Variants in SEC63 observed in about 807,000 individuals in gnomAD.
The protein encoded by SEC63 is SEC63 protein translocation regulator, also known as translocation protein SEC63 homolog.
Under a neutral mutation model 116.2 loss-of-function variants are expected in SEC63, and 56 were observed. That is an observed-to-expected ratio of 0.48 (90% confidence interval 0.39 to 0.60). The LOEUF is 0.60. Ranked by LOEUF, SEC63 falls within the 20% of genes least tolerant of loss-of-function variation. The probability of loss-of-function intolerance (pLI) is 0.00; values close to 1 mark genes in which losing one functional copy is unlikely to be tolerated. For synonymous variants in SEC63, 273 were observed against 294.6 expected (o/e 0.93, Z 0.75); for missense variants, 668 against 900.0 (o/e 0.74, Z 3.30).
intron 16 of SEC63, among the ~76,000 whole-genome samples, chr6:107,887,968 G>A (rs983748116): frequency 3.3e-5 from 5 of 152,044 alleles, no homozygotes; most frequent in South Asian, 4.1e-4. Context: ...GTTTTGGTAC[G>A]AGTACCATGC....
At chr6:107,930,144 A>C (rs1325971045) in intron 1 of SEC63, 6 of 151,692 alleles carry the variant, frequency 4.0e-5, no homozygotes, top group African/African-American at 1.2e-4. Context: ...GCCCTCACCC[A>C]AAGATGACAC....
At chr6:107,938,028 G>A (rs913193667) in intron 1 of SEC63, among the ~76,000 whole-genome samples, 2 of 142,220 alleles carry the variant, frequency 1.4e-5, no homozygotes, top group Admixed American at 6.9e-5. Flanking sequence ...GAATCTTTTA[G>A]TTTAATTAGA....
At chr6:107,905,072 T>C (rs950568669) in intron 10 of SEC63, among the ~76,000 whole-genome samples, 3 of 152,070 alleles carry the variant, frequency 2.0e-5, no homozygotes, top group Non-Finnish European at 2.9e-5. Flanking sequence ...GTCAGCTAAA[T>C]ACAGGGGGAG....
At chr6:107,904,218 T>C (rs1217680996) in intron 11 of SEC63, among the ~76,000 whole-genome samples, 1 of 151,302 alleles carries the variant, frequency 6.6e-6, no homozygotes, top group East Asian at 1.9e-4. Flanking sequence ...GAGACCATCC[T>C]GGCCAACATG....
Position 107,953,586 on chromosome 6 carries a change from C to T in SEC63, c.124+4300G>A, listed in dbSNP as rs1296631214. Among the ~76,000 whole-genome samples the T allele has an allele frequency of 2.0e-4, 30 of 147,374 alleles. No homozygotes were observed. In the East Asian group the frequency reaches 5.0e-3, roughly 24 times the overall value. On this transcript the variant is annotated intron_variant, in intron 1 of 20. Coordinates refer to ENST00000369002, the MANE Select transcript of SEC63 (RefSeq NM_007214.5). ...GAGGGAGGTGGGGGGGTCAGCCCCC[C>T]GCCCGGCCAGCCGCCCCGTCCGGGA...
At chr6:107,932,732 C>T (rs1194311274) in intron 1 of SEC63, among the ~76,000 whole-genome samples, 1 of 152,012 alleles carries the variant, frequency 6.6e-6, no homozygotes, top group Non-Finnish European at 1.5e-5. Context: ...TATACATACT[C>T]CCTAGCTCTA....
chr6:107,921,911 T>TGGG lies in SEC63; in HGVS notation c.340-5_340-3dup, dbSNP rs142388422. ...TTTAATTTCTGCTACTGTGGCTCCC[T>TGGG]GGGGAAAAACAAAAAAAAAAAACAA... On this transcript the variant is annotated splice_region_variant and splice_polypyrimidine_tract_variant and intron_variant, in intron 3 of 20. Transcript: ENST00000369002. The TGGG allele has an allele frequency of 0.62, 778,870 of 1,249,406 alleles. 210,917 individuals carry two copies. Among genetic ancestry groups the TGGG allele is most frequent in the Admixed American group, 0.67 (32,827 of 49,158 alleles). The allele number at this position is 1,249,406 out of a possible 1,614,324, so 77.4% of individuals were successfully genotyped here.
At chr6:107,914,892 C>T (rs1430807128) in intron 4 of SEC63, among the ~76,000 whole-genome samples, 2 of 152,120 alleles carry the variant, frequency 1.3e-5, no homozygotes, top group African/African-American at 4.8e-5. Flanking sequence ...TAGCTCACAT[C>T]AGAGACACTC....
chr6:107,900,778 T>C (rs1786983272), intron 13 of SEC63, among the ~76,000 whole-genome samples: 2 of 152,176 alleles, frequency 1.3e-5, no homozygotes, highest in African/African-American at 4.8e-5. Flanking sequence ...ACCACCACAA[T>C]GAAAGAATGG....
intron 1 of SEC63, among the ~76,000 whole-genome samples, chr6:107,941,915 T>A (rs562183110): frequency 6.6e-6 from 1 of 152,232 alleles, no homozygotes. Flanking sequence ...AGCATTTCTA[T>A]GATGTATCAG....
intron 18 of SEC63, among the ~76,000 whole-genome samples, chr6:107,880,422 C>A (rs1380405638): frequency 6.6e-6 from 1 of 152,162 alleles, no homozygotes; most frequent in African/African-American, 2.4e-5. Context: ...CTACTCCAGA[C>A]AGAATCATAC....
Position 107,883,239 on chromosome 6 carries a change from A to C in SEC63, c.1675-93T>G. 2.7e-6 allele frequency: 4 copies of C among 1,471,582 alleles called. No homozygotes were observed. In the East Asian group the frequency reaches 9.2e-5, roughly 34 times the overall value. 91.2% of individuals were successfully genotyped at this position (1,471,582 alleles called of 1,614,324 possible). ...AAGTTAACTTATTGTCAATTTAACT[A>C]AACTGACTCGATGACAATTTCACTA... On this transcript the variant is annotated intron_variant, in intron 16 of 20. Coordinates refer to ENST00000369002, the MANE Select transcript of SEC63 (RefSeq NM_007214.5).
At chr6:107,951,462 T>C (rs1423311001) in intron 1 of SEC63, among the ~76,000 whole-genome samples, 1 of 152,210 alleles carries the variant, frequency 6.6e-6, no homozygotes, top group Non-Finnish European at 1.5e-5. Context: ...TTTTTGGATT[T>C]TGTTGTTGTT....
intron 1 of SEC63, among the ~76,000 whole-genome samples, chr6:107,944,512 A>G (rs952202309): frequency 2.0e-5 from 3 of 152,142 alleles, no homozygotes; most frequent in African/African-American, 7.2e-5. Context: ...AGCCTGGCCA[A>G]CATGGTGAAA....
At chr6:107,900,284 C>T (rs1374726091) in intron 13 of SEC63, among the ~76,000 whole-genome samples, 2 of 151,936 alleles carry the variant, frequency 1.3e-5, no homozygotes, top group Non-Finnish European at 2.9e-5. Context: ...AAAGGCATGA[C>T]ACCACTGGGC....
At chr6:107,881,090 CA>C in intron 18 of SEC63, 58 bp downstream of exon 18, 4 of 1,255,134 alleles carry the variant, frequency 3.2e-6, no homozygotes, top group Non-Finnish European at 4.7e-6. Flanking sequence ...AGTCAACTGA[CA>C]AATCCCTGAG....
At chr6:107,915,091 C>A (rs1437672593) in intron 4 of SEC63, among the ~76,000 whole-genome samples, 1 of 152,138 alleles carries the variant, frequency 6.6e-6, no homozygotes. Flanking sequence ...AATACCACTT[C>A]TAAGAGTTAA....
rs373349983 is a variant in SEC63, at chr6:107,871,790, T to C, written c.2197A>G (p.Ile733Val). The C allele has an allele frequency of 5.0e-6, 8 of 1,613,744 alleles. No homozygotes were observed. Among genetic ancestry groups the C allele is most frequent in the East Asian group, 2.2e-5 (1 of 44,880 alleles). ...TCCTCCTGGTCTTCATCCCCCTCTA[T>C]TGCTGTATCCCACTGTGGGTGATTT... ...PENHPQWDTAIEGDEDQEDSE... is the reference protein window; with the variant it reads ...PENHPQWDTAVEGDEDQEDSE... Residue 733 changes from isoleucine (I) to valine (V), a missense_variant, in exon 21 of 21, where the codon ATA (isoleucine) becomes GTA (valine). Ile to Val is a conservative substitution (Grantham distance 29). Coordinates refer to ENST00000369002, the MANE Select transcript of SEC63 (RefSeq NM_007214.5).
At chr6:107,892,323 A>G (rs1470311898) in intron 16 of SEC63, among the ~76,000 whole-genome samples, 2 of 152,124 alleles carry the variant, frequency 1.3e-5, no homozygotes, top group Non-Finnish European at 2.9e-5. Context: ...TGCCATTACA[A>G]TTTACTGAGG....
Sources: allele counts gnomAD v4.1 joint callset (sites outside exome capture counted in the v4.1 genomes callset), GRCh38; gene constraint gnomAD v4.1.1; transcripts MANE v1.5; gene names NCBI Gene and HGNC (gene_info 2026-07-23, HGNC 2026-07-21).